Variants in ST7 observed in about 807,000 individuals in gnomAD.
ST7 encodes suppressor of tumorigenicity 7 protein.
In ST7, 28 loss-of-function variants were observed where a neutral mutation model predicts 78.7. That is an observed-to-expected ratio of 0.36 (90% CI 0.26 to 0.49). The LOEUF (loss-of-function observed/expected upper bound fraction) is 0.49. Among genes scored for constraint, ST7 ranks in the 20% least tolerant of loss-of-function variants. The probability of loss-of-function intolerance (pLI) is 0.99; values close to 1 mark genes in which losing one functional copy is unlikely to be tolerated. For synonymous variants in ST7, 247 were observed against 249.6 expected, an observed-to-expected ratio of 0.99 and a Z score of 0.10; for missense variants, 418 against 696.0, an observed-to-expected ratio of 0.60 and a Z score of 4.49.
intron 1 of ST7, among the ~76,000 whole-genome samples, chr7:116,999,096 G>T (rs1419477824): frequency 2.6e-5 from 4 of 152,220 alleles, no homozygotes; most frequent in Non-Finnish European, 5.9e-5. Flanking sequence ...TCAACTTGTG[G>T]TGGAACGTGG....
rs561907970 is a variant in ST7 at position 117,106,893 on chromosome 7, T to G, written c.234+7049T>G. Reference sequence around the variant, plus strand: ...CCTCGGCCTCCCAAAGTGCTGGGATTACAGGCGTGAGCCACTGTGCCTGGC... The same window carrying G: ...CCTCGGCCTCCCAAAGTGCTGGGATGACAGGCGTGAGCCACTGTGCCTGGC... On this transcript the variant is annotated intron_variant, in intron 2 of 15. Coordinates refer to ENST00000323984, the MANE Select transcript of ST7 (RefSeq NM_001369598.1). Among the ~76,000 whole-genome samples, 323 of 152,280 alleles carry G rather than the reference T, an allele frequency of 2.1e-3. 2 individuals carry two copies. Among genetic ancestry groups the G allele is most frequent in the Middle Eastern group, 0.014 (4 of 294 alleles).
intron 10 of ST7, among the ~76,000 whole-genome samples, chr7:117,181,058 C>T (rs1808718837): frequency 6.6e-6 from 1 of 151,898 alleles, no homozygotes; most frequent in South Asian, 2.1e-4. Flanking sequence ...ATAGGAGATA[C>T]AGAGAGTTTT....
chr7:117,131,823 C>T (rs766479520), intron 5 of ST7, 62 bp from the exon 6 acceptor site: 38 of 1,420,270 alleles, frequency 2.7e-5, no homozygotes, highest in Admixed American at 1.4e-4. Flanking sequence ...CTCTTGTCCT[C>T]TACTGAGTCT....
chr7:116,990,368 T>C (rs1794372311), intron 1 of ST7, among the ~76,000 whole-genome samples: 1 of 152,192 alleles, frequency 6.6e-6, no homozygotes, highest in African/African-American at 2.4e-5. Flanking sequence ...CTCATTCCTT[T>C]TACTTTTGAC....
intron 2 of ST7, among the ~76,000 whole-genome samples, chr7:117,104,427 G>A (rs1185099205): frequency 6.6e-6 from 1 of 152,160 alleles, no homozygotes; most frequent in Non-Finnish European, 1.5e-5. Context: ...GCAATAGAGC[G>A]AGACTCCGTC....
intron 1 of ST7, chr7:116,972,425 G>A (rs1371816721): frequency 1.5e-5 from 11 of 721,428 alleles, no homozygotes; most frequent in Non-Finnish European, 2.2e-5. Flanking sequence ...TGGTCCATCA[G>A]TCTGATCTGC....
At chr7:117,138,406 A>G in intron 8 of ST7, 29 bp from the exon 9 acceptor site, 1 of 1,444,856 alleles carries the variant, frequency 6.9e-7, no homozygotes, top group Non-Finnish European at 9.4e-7. Context: ...TTTTTTTTAA[A>G]TGTTGGTGTT....
chr7:117,032,906 C>T (rs1437448368), intron 1 of ST7, among the ~76,000 whole-genome samples: 1 of 152,178 alleles, frequency 6.6e-6, no homozygotes, highest in Non-Finnish European at 1.5e-5. Flanking sequence ...GGCAGGCCTA[C>T]TCTGTTAGTT....
At chr7:116,995,587 G>A (rs1051959745) in intron 1 of ST7, among the ~76,000 whole-genome samples, 1 of 152,240 alleles carries the variant, frequency 6.6e-6, no homozygotes, top group Non-Finnish European at 1.5e-5. Flanking sequence ...CTTGGATGAT[G>A]CTGCAGACTG....
At chr7:116,965,662 C>G in intron 1 of ST7, among the ~76,000 whole-genome samples, 1 of 152,052 alleles carries the variant, frequency 6.6e-6, no homozygotes, top group African/African-American at 2.4e-5. Flanking sequence ...GTAACAATTT[C>G]TGGTAGCTTT....
In ST7 at chr7:116,978,653, T is replaced by C. The variant is rs543054804; in HGVS notation, c.151+24962T>C. Reference sequence around the variant, plus strand: ...CAGACTGGAGTGCAGTGGCATAATCTTGGCTCACTGCAAACCTACAGCTCC... The same window carrying C: ...CAGACTGGAGTGCAGTGGCATAATCCTGGCTCACTGCAAACCTACAGCTCC... On this transcript the variant is annotated intron_variant, in intron 1 of 15. Coordinates refer to ENST00000323984, the MANE Select transcript of ST7 (RefSeq NM_001369598.1). 4.7e-4 allele frequency among the ~76,000 whole-genome samples: 72 copies of C among 152,308 alleles called. 1 individual carries two copies. Among genetic ancestry groups the C allele is most frequent in the African/African-American group, 1.5e-3 (64 of 41,562 alleles).
At chr7:117,131,821 C>G (rs1039548932) in intron 5 of ST7, 64 bp from the exon 6 acceptor site, 5 of 1,407,786 alleles carry the variant, frequency 3.6e-6, no homozygotes, top group Non-Finnish European at 5.0e-6. Context: ...AGCTCTTGTC[C>G]TCTACTGAGT....
At chr7:116,974,680 C>T (rs1349136635) in intron 1 of ST7, among the ~76,000 whole-genome samples, 1 of 152,156 alleles carries the variant, frequency 6.6e-6, no homozygotes, top group Non-Finnish European at 1.5e-5. Flanking sequence ...AAGTAACACA[C>T]TTGTATCATC....
At chr7:117,214,806 CAT>C (rs1013381342) in intron 13 of ST7, among the ~76,000 whole-genome samples, 1 of 151,904 alleles carries the variant, frequency 6.6e-6, no homozygotes, top group Admixed American at 6.6e-5. Flanking sequence ...TTTATTCATT[CAT>C]TACTTTATTC....
intron 1 of ST7, among the ~76,000 whole-genome samples, chr7:117,058,739 A>G (rs2116423885): frequency 6.6e-6 from 1 of 152,258 alleles, no homozygotes; most frequent in South Asian, 2.1e-4. Flanking sequence ...GATATACTGC[A>G]CTCCCCTATT....
intron 1 of ST7, chr7:116,954,729 AAT>A (rs1240645006): frequency 6.3e-6 from 1 of 158,032 alleles, no homozygotes; most frequent in Non-Finnish European, 1.4e-5. Context: ...AGTACTGGGA[AAT>A]TCTTACAGTC....
chr7:117,126,402 A>G (rs926039026), intron 3 of ST7, among the ~76,000 whole-genome samples: 2 of 151,732 alleles, frequency 1.3e-5, no homozygotes, highest in African/African-American at 4.8e-5. Context: ...TCTCTTGAGT[A>G]TTGTGACAAA....
chr7:117,036,279 C>T (rs995087443), intron 1 of ST7, among the ~76,000 whole-genome samples: 1 of 152,172 alleles, frequency 6.6e-6, no homozygotes, highest in Admixed American at 6.5e-5. Context: ...CAGTCCTCTG[C>T]AGGCAATCAG....
At chr7:116,991,806 T>A (rs1176306431) in intron 1 of ST7, among the ~76,000 whole-genome samples, 1 of 152,194 alleles carries the variant, frequency 6.6e-6, no homozygotes, top group Non-Finnish European at 1.5e-5. Context: ...GGCAAATCCC[T>A]TCTGCCTATG....
Sources: allele counts gnomAD v4.1 joint callset (sites outside exome capture counted in the v4.1 genomes callset), GRCh38; gene constraint gnomAD v4.1.1; transcripts MANE v1.5; gene names NCBI Gene and HGNC (gene_info 2026-07-23, HGNC 2026-07-21).